The following ANK2 variants were observed in gnomAD, a reference collection of about 807,000 sequenced individuals.
ANK2 encodes ankyrin-2.
In ANK2, 83 loss-of-function variants were observed where a neutral mutation model predicts 360.5. The observed-to-expected ratio is 0.23, with a 90% confidence interval of 0.19 to 0.28. The LOEUF (loss-of-function observed/expected upper bound fraction) is 0.28. Among genes scored for constraint, ANK2 ranks in the 10% least tolerant of loss-of-function variants. ANK2 has a pLI of 1.00. For synonymous variants in ANK2, 1,740 were observed against 1,759.5 expected, an observed-to-expected ratio of 0.99 and a Z score of 0.28; for missense variants, 4,201 against 4,795.7, an observed-to-expected ratio of 0.88 and a Z score of 3.66.
chr4:112,941,883 T>C (rs985908878), intron 2 of ANK2, among the ~76,000 whole-genome samples: 1 of 150,782 alleles, frequency 6.6e-6, no homozygotes, highest in African/African-American at 2.4e-5. Flanking sequence ...TTGCCTCAGT[T>C]TCTTCATTTA....
At chr4:112,709,616 G>A in the ANK2 span, among the ~76,000 whole-genome samples, 1 of 152,120 alleles carries the variant, frequency 6.6e-6, no homozygotes, top group African/African-American at 2.4e-5. Context: ...GGGTGTGGTG[G>A]CAGGCACCTG....
At chr4:112,878,476 G>A (rs1405532705) in intron 1 of ANK2, among the ~76,000 whole-genome samples, 2 of 151,796 alleles carry the variant, frequency 1.3e-5, no homozygotes, top group South Asian at 2.1e-4. Flanking sequence ...ACAGGCATGC[G>A]CCACCACGCC....
chr4:112,793,817 C>T, the ANK2 span, among the ~76,000 whole-genome samples: 3,189 of 151,664 alleles, frequency 0.021, 113 homozygotes, highest in African/African-American at 0.073. Context: ...ATGATTCTCC[C>T]ACCTCAACCT....
At chr4:112,786,596 C>T in the ANK2 span, among the ~76,000 whole-genome samples, 3 of 151,658 alleles carry the variant, frequency 2.0e-5, no homozygotes, top group Middle Eastern at 3.2e-3. Context: ...GGAGTTTCAC[C>T]GTGTTGGCCA....
intron 2 of ANK2, among the ~76,000 whole-genome samples, chr4:113,014,478 TC>T (rs762668596): frequency 1.3e-5 from 2 of 152,160 alleles, no homozygotes; most frequent in Non-Finnish European, 2.9e-5. Flanking sequence ...GACTACCATG[TC>T]TATTAAGTCT....
intron 10 of ANK2, 66 bp from the exon 11 acceptor site, chr4:113,255,669 G>A (rs1053557264): frequency 7.7e-6 from 12 of 1,551,068 alleles, no homozygotes; most frequent in African/African-American, 6.8e-5. Flanking sequence ...CAACTTTGCT[G>A]TACTTTGGAA....
rs1012142269 is a variant in ANK2, at chr4:112,929,996, T to G, written c.21+25482T>G. 2.0e-5 allele frequency among the ~76,000 whole-genome samples: 3 copies of G among 152,194 alleles called. No homozygotes were observed. The South Asian group carries it at 6.2e-4, about 32-fold the overall frequency. On this transcript the variant is annotated intron_variant, in intron 2 of 30. Coordinates refer to the ANK2 transcript ENST00000503271. ...AGTACAGTCTCTTTGAGTGATTGTC[T>G]TGTCACTTGTGAAATAATGAACTTT...
chr4:113,243,078 T>C (rs1198145054), intron 9 of ANK2, among the ~76,000 whole-genome samples: 2 of 152,174 alleles, frequency 1.3e-5, no homozygotes, highest in Non-Finnish European at 2.9e-5. Context: ...ATATAATATG[T>C]AGTTATTTGC....
intron 1 of ANK2, among the ~76,000 whole-genome samples, chr4:113,092,591 T>TACTC (rs10673118): frequency 0.82 from 124,494 of 151,988 alleles, 51,570 homozygotes; most frequent in African/African-American, 0.95. Context: ...TTGAATAAGT[T>TACTC]ACTATGTTCT....
intron 1 of ANK2, among the ~76,000 whole-genome samples, chr4:112,872,583 C>T (rs1024168974): frequency 5.9e-5 from 9 of 152,304 alleles, no homozygotes; most frequent in Admixed American, 5.9e-4. Flanking sequence ...GTGATCCACC[C>T]ACCTTGGCCT....
intron 1 of ANK2, among the ~76,000 whole-genome samples, chr4:113,127,116 A>C (rs1057145437): frequency 6.6e-5 from 10 of 151,814 alleles, no homozygotes; most frequent in African/African-American, 2.4e-4. Flanking sequence ...AATCAAACAG[A>C]AGCTCTTTTA....
chr4:113,005,732 A>G (rs1371005940), intron 2 of ANK2, among the ~76,000 whole-genome samples: 1 of 152,120 alleles, frequency 6.6e-6, no homozygotes, highest in Non-Finnish European at 1.5e-5. Flanking sequence ...TTGAAATGTG[A>G]TCTGCAGTGT....
At chr4:113,209,747 T>A (rs4834322) in intron 4 of ANK2, among the ~76,000 whole-genome samples, 7,597 of 152,072 alleles carry the variant, frequency 0.05, 274 homozygotes, top group Non-Finnish European at 0.069. Context: ...GGTTTTGGCC[T>A]AAAAGGTCAG....
the ANK2 span, among the ~76,000 whole-genome samples, chr4:112,725,085 G>T: frequency 3.9e-5 from 6 of 151,990 alleles, no homozygotes; most frequent in Admixed American, 2.0e-4. Flanking sequence ...TTCAAGACCA[G>T]CCTGGGCAAC....
At chr4:112,769,257 A>G in the ANK2 span, among the ~76,000 whole-genome samples, 5 of 152,160 alleles carry the variant, frequency 3.3e-5, no homozygotes, top group Admixed American at 6.5e-5. Flanking sequence ...ACTAAAAGAG[A>G]TTGGAAAGAC....
intron 2 of ANK2, among the ~76,000 whole-genome samples, chr4:112,913,928 C>A (rs1561073135): frequency 6.6e-6 from 1 of 151,574 alleles, no homozygotes; most frequent in Non-Finnish European, 1.5e-5. Context: ...TTCATCCTGT[C>A]TTTTTTTTGA....
At chr4:112,832,483 C>G (rs1018240906) in intron 1 of ANK2, among the ~76,000 whole-genome samples, 6 of 152,194 alleles carry the variant, frequency 3.9e-5, no homozygotes, top group African/African-American at 1.4e-4. Flanking sequence ...CCAGGAAAGA[C>G]TATTGTTTCT....
intron 26 of ANK2, among the ~76,000 whole-genome samples, chr4:113,326,252 T>C (rs575885908): frequency 6.6e-6 from 1 of 152,370 alleles, no homozygotes; most frequent in Admixed American, 6.5e-5. Context: ...TTAATGAAAA[T>C]GCTCAGATGC....
intron 1 of ANK2, chr4:113,117,335 C>G (rs1018403093): frequency 8.8e-6 from 4 of 456,020 alleles, no homozygotes; most frequent in Non-Finnish European, 1.8e-5. Context: ...AGAGGCTGAT[C>G]TGGATGAAAA....
Sources: allele counts gnomAD v4.1 joint callset (sites outside exome capture counted in the v4.1 genomes callset), GRCh38; gene constraint gnomAD v4.1.1; transcripts MANE v1.5; gene names NCBI Gene and HGNC (gene_info 2026-07-23, HGNC 2026-07-21).